Variants in PACSIN2 observed in about 807,000 individuals in gnomAD.
PACSIN2 encodes the protein protein kinase C and casein kinase substrate in neurons protein 2.
In PACSIN2, 25 loss-of-function variants were observed where a neutral mutation model predicts 63.8. The observed-to-expected ratio is 0.39, with a 90% CI of 0.29 to 0.55. PACSIN2 has a LOEUF of 0.55. Among genes scored for constraint, PACSIN2 ranks in the 20% least tolerant of loss-of-function variants. PACSIN2 has a pLI of 0.62. For synonymous variants in PACSIN2, 255 were observed against 256.2 expected (o/e 1.00, Z 0.05); for missense variants, 518 against 646.9 (o/e 0.80, Z 2.16).
chr22:42,981,776 G>A (rs1922166233), intron 1 of PACSIN2, among the ~76,000 whole-genome samples: 1 of 125,036 alleles, frequency 8.0e-6, no homozygotes, highest in African/African-American at 3.2e-5. Flanking sequence ...GAGGGAGGTG[G>A]GTGGGTCAGC....
chr22:42,982,887 AAAACAAC>A (rs989263675), intron 1 of PACSIN2, among the ~76,000 whole-genome samples: 2 of 129,498 alleles, frequency 1.5e-5, no homozygotes, highest in African/African-American at 2.8e-5. Context: ...AAAAAAAAAA[AAAACAAC>A]AACAAGGCTA....
rs753474143 is a variant in PACSIN2 at position 42,880,676 on chromosome 22, C to G, written c.907-1507G>C. On this transcript the variant is annotated intron_variant, in intron 7 of 10. Transcript: ENST00000263246. ...ATTGCATTAGAGAAAGGCATGGTCC[C>G]GTAACAGCTGCAAATGTGCGCAGAA... is the stretch of plus-strand genomic sequence containing the variant. 7 of 152,182 alleles carry G rather than the reference C, an allele frequency of 4.6e-5. No individual in the cohort carries two copies. The South Asian group carries it at 8.3e-4, about 18-fold the overall frequency. The allele number at this position is 152,182 out of a possible 1,614,324, so 9.4% of individuals were successfully genotyped here.
intron 1 of PACSIN2, among the ~76,000 whole-genome samples, chr22:42,987,489 C>T (rs1400597881): frequency 8.8e-6 from 1 of 114,048 alleles, no homozygotes; most frequent in Non-Finnish European, 1.9e-5. Flanking sequence ...CACACACACA[C>T]ACACCCATGG....
chr22:42,995,206 G>A (rs1490454299), intron 1 of PACSIN2, among the ~76,000 whole-genome samples: 1 of 152,246 alleles, frequency 6.6e-6, no homozygotes, highest in African/African-American at 2.4e-5. Flanking sequence ...CAGAGAAACT[G>A]CACCCTGGCA....
At chr22:42,917,728 A>C (rs948669286) in intron 1 of PACSIN2, among the ~76,000 whole-genome samples, 1 of 152,172 alleles carries the variant, frequency 6.6e-6, no homozygotes, top group African/African-American at 2.4e-5. Flanking sequence ...TTGGCCTTTC[A>C]GAAGATGTTA....
chr22:42,907,487 G>C lies in PACSIN2; in HGVS notation c.60+4534C>G, dbSNP rs964228662. Among the ~76,000 whole-genome samples, 21 of 152,248 alleles carry C rather than the reference G, an allele frequency of 1.4e-4. 1 individual carries two copies. Among genetic ancestry groups the C allele is most frequent in the Admixed American group, 5.2e-4 (8 of 15,290 alleles). ...CCTTCTAGGAGCCATATGTGAGCAC[G>C]GTGGGGTGATAATTAAGCTGATGCG... On this transcript the variant is annotated intron_variant, in intron 2 of 10. Coordinates refer to ENST00000263246, the MANE Select transcript of PACSIN2 (RefSeq NM_001184970.3).
chr22:42,887,931 C>T (rs1258129974), intron 5 of PACSIN2, among the ~76,000 whole-genome samples: 1 of 152,078 alleles, frequency 6.6e-6, no homozygotes, highest in Non-Finnish European at 1.5e-5. Context: ...ACCCCTGGCT[C>T]CACAGCCTCT....
chr22:42,878,945 G>T (rs1272650235), intron 8 of PACSIN2, 103 bp downstream of exon 8: 2 of 1,352,406 alleles, frequency 1.5e-6, no homozygotes, highest in Non-Finnish European at 9.9e-7. Context: ...AGGAGCCCAG[G>T]AACCTCCCAG....
At chr22:42,951,663 T>C (rs1382659438) in intron 1 of PACSIN2, among the ~76,000 whole-genome samples, 1 of 152,162 alleles carries the variant, frequency 6.6e-6, no homozygotes, top group African/African-American at 2.4e-5. Context: ...TAACATCACC[T>C]CTACCTCAAA....
intron 1 of PACSIN2, among the ~76,000 whole-genome samples, chr22:42,957,836 T>G (rs932010981): frequency 3.3e-5 from 5 of 152,178 alleles, no homozygotes; most frequent in African/African-American, 1.2e-4. Context: ...GTATTAAGTT[T>G]GGCATTCTCA....
chr22:42,898,274 T>C (rs1930428741), intron 2 of PACSIN2, among the ~76,000 whole-genome samples: 2 of 122,622 alleles, frequency 1.6e-5, no homozygotes, highest in South Asian at 5.3e-4. Context: ...CCTCCTTCCT[T>C]TTCTTTTTTT....
At chr22:43,002,391 TC>T (rs1372325310) in intron 1 of PACSIN2, 9 of 152,164 alleles carry the variant, frequency 5.9e-5, no homozygotes, top group African/African-American at 2.2e-4. Context: ...CAAGGATTAA[TC>T]ATCAAGTAGT....
At chr22:42,874,293 T>A (rs942250755) in intron 10 of PACSIN2, among the ~76,000 whole-genome samples, 1 of 149,210 alleles carries the variant, frequency 6.7e-6, no homozygotes, top group East Asian at 2.0e-4. Context: ...GTAACCCAGC[T>A]TGGCTAACAG....
intron 1 of PACSIN2, among the ~76,000 whole-genome samples, chr22:42,927,785 C>T (rs1341720774): frequency 3.9e-5 from 6 of 151,958 alleles, no homozygotes. Flanking sequence ...TGGGGTTTCG[C>T]CATGTTGGTC....
At chr22:42,994,925 G>C (rs1192641629) in intron 1 of PACSIN2, among the ~76,000 whole-genome samples, 1 of 152,050 alleles carries the variant, frequency 6.6e-6, no homozygotes, top group African/African-American at 2.4e-5. Context: ...CCCACCCCAA[G>C]CCCCAGTCTC....
At chr22:42,988,819 T>C (rs1279086499) in intron 1 of PACSIN2, among the ~76,000 whole-genome samples, 1 of 152,186 alleles carries the variant, frequency 6.6e-6, no homozygotes, top group East Asian at 1.9e-4. Flanking sequence ...AAATTTACAA[T>C]GACATCACAT....
intron 1 of PACSIN2, among the ~76,000 whole-genome samples, chr22:42,917,966 G>A (rs1017774380): frequency 3.9e-5 from 6 of 152,080 alleles, no homozygotes; most frequent in Non-Finnish European, 5.9e-5. Flanking sequence ...TTTGTTGCAC[G>A]GGAACACTCA....
chr22:42,892,891 C>A (rs1309964610), intron 3 of PACSIN2, among the ~76,000 whole-genome samples: 4 of 152,196 alleles, frequency 2.6e-5, no homozygotes, highest in Non-Finnish European at 5.9e-5. Context: ...CCCTTCCCTG[C>A]TGGGAAGTGT....
intron 2 of PACSIN2, among the ~76,000 whole-genome samples, chr22:42,900,872 T>C (rs1276948793): frequency 6.6e-6 from 1 of 152,174 alleles, no homozygotes; most frequent in African/African-American, 2.4e-5. Context: ...CAAACATCCC[T>C]CAGGCCGGGA....
Sources: gnomAD v4.1 joint callset for allele counts (sites outside exome capture counted in the v4.1 genomes callset) on GRCh38, gnomAD v4.1.1 for gene constraint, MANE v1.5 for transcripts, NCBI Gene and HGNC (gene_info 2026-07-23, HGNC 2026-07-21) for gene names.